Variants in CTNND2 observed in about 807,000 individuals in gnomAD.
The protein encoded by CTNND2 is catenin delta 2.
A neutral mutation model predicts 144.4 loss-of-function variants in CTNND2; 22 were observed. The observed-to-expected ratio is 0.15, with a 90% CI of 0.11 to 0.22. The LOEUF is 0.22. Ranked by LOEUF, CTNND2 falls within the 10% of genes least tolerant of loss-of-function variation. The pLI is 1.00. For synonymous variants in CTNND2, 751 were observed against 695.6 expected, an observed-to-expected ratio of 1.08 and a Z score of -1.25; for missense variants, 1,353 against 1,618.8, an observed-to-expected ratio of 0.84 and a Z score of 2.82.
intron 2 of CTNND2, among the ~76,000 whole-genome samples, chr5:11,621,187 T>C (rs1284971492): frequency 6.6e-6 from 1 of 152,202 alleles, no homozygotes; most frequent in Non-Finnish European, 1.5e-5. Context: ...AAAATAAGTA[T>C]CAGATTTTAG....
At chr5:11,728,337 C>T (rs954932015) in intron 2 of CTNND2, among the ~76,000 whole-genome samples, 2 of 149,830 alleles carry the variant, frequency 1.3e-5, no homozygotes, top group African/African-American at 2.4e-5. Context: ...GGCGTGGTGG[C>T]GCATGCCTGT....
intron 1 of CTNND2, among the ~76,000 whole-genome samples, chr5:11,889,621 G>A (rs1736813008): frequency 2.0e-5 from 3 of 152,140 alleles, no homozygotes; most frequent in South Asian, 4.1e-4. Context: ...TCATGATAGT[G>A]GAGTCCAAAC....
chr5:11,112,138 C>T (rs755857592), intron 13 of CTNND2, among the ~76,000 whole-genome samples: 7 of 152,128 alleles, frequency 4.6e-5, no homozygotes, highest in Non-Finnish European at 8.8e-5. Context: ...CGTGAGCCAC[C>T]GCACCCAGCA....
chr5:11,264,079 A>G (rs1481159050), intron 9 of CTNND2, among the ~76,000 whole-genome samples: 2 of 152,198 alleles, frequency 1.3e-5, no homozygotes, highest in African/African-American at 2.4e-5. Flanking sequence ...CTTTATTCTT[A>G]GTTCTGGCCA....
intron 7 of CTNND2, among the ~76,000 whole-genome samples, chr5:11,370,646 C>A (rs569324859): frequency 3.9e-5 from 6 of 152,156 alleles, no homozygotes; most frequent in Non-Finnish European, 5.9e-5. Flanking sequence ...TAATTTAATG[C>A]AAATTCACCT....
intron 7 of CTNND2, among the ~76,000 whole-genome samples, chr5:11,377,313 C>T (rs1028270720): frequency 2.6e-5 from 4 of 152,062 alleles, no homozygotes; most frequent in African/African-American, 7.2e-5. Flanking sequence ...CCTCAGCTTC[C>T]CAAAGTGCTG....
At chr5:11,471,415 G>A (rs932167934) in intron 3 of CTNND2, among the ~76,000 whole-genome samples, 1 of 151,988 alleles carries the variant, frequency 6.6e-6, no homozygotes, top group East Asian at 1.9e-4. Flanking sequence ...AAGTTTCTTC[G>A]ATTGTTTCTT....
chr5:10,997,021 ATGGT>A (rs1739420906), intron 18 of CTNND2, among the ~76,000 whole-genome samples: 1 of 151,998 alleles, frequency 6.6e-6, no homozygotes, highest in Non-Finnish European at 1.5e-5. Context: ...CCAAGTAATG[ATGGT>A]CGTCCCAGGA....
intron 9 of CTNND2, among the ~76,000 whole-genome samples, chr5:11,339,831 G>A (rs1754064970): frequency 6.6e-6 from 1 of 152,148 alleles, no homozygotes; most frequent in African/African-American, 2.4e-5. Context: ...CCCAGACTCT[G>A]GAAGTGTAAG....
At chr5:11,697,019 A>G (rs182228839) in intron 2 of CTNND2, among the ~76,000 whole-genome samples, 88 of 152,346 alleles carry the variant, frequency 5.8e-4, no homozygotes, top group Admixed American at 3.9e-3. Context: ...GTCCATAAAT[A>G]AAAGGTCAAA....
chr5:11,510,032 A>C (rs1278964540), intron 3 of CTNND2, among the ~76,000 whole-genome samples: 1 of 152,176 alleles, frequency 6.6e-6, no homozygotes, highest in Non-Finnish European at 1.5e-5. Flanking sequence ...CCTGGGCTCA[A>C]GCGATCCACC....
intron 1 of CTNND2, among the ~76,000 whole-genome samples, chr5:11,902,414 T>C (rs576919658): frequency 6.6e-6 from 1 of 152,312 alleles, no homozygotes; most frequent in Non-Finnish European, 1.5e-5. Context: ...CACTTCTCCA[T>C]GGGATTTTAG....
intron 2 of CTNND2, among the ~76,000 whole-genome samples, chr5:11,620,113 G>C (rs992900389): frequency 6.6e-6 from 1 of 151,914 alleles, no homozygotes; most frequent in African/African-American, 2.4e-5. Flanking sequence ...CATTATTTTT[G>C]GTATTCTTTC....
At chr5:11,360,520 G>T (rs1023417289) in intron 8 of CTNND2, among the ~76,000 whole-genome samples, 1 of 152,094 alleles carries the variant, frequency 6.6e-6, no homozygotes, top group South Asian at 2.1e-4. Flanking sequence ...CTGGTAGAGC[G>T]TACAGCTGTA....
intron 18 of CTNND2, among the ~76,000 whole-genome samples, chr5:11,011,043 G>A (rs904973694): frequency 1.3e-5 from 2 of 152,188 alleles, no homozygotes; most frequent in Non-Finnish European, 2.9e-5. Flanking sequence ...ACAACATTGT[G>A]TGTGGGGTGG....
rs182055468 is a variant in CTNND2 at position 11,392,080 on chromosome 5, A to G, written c.612+4951T>C. 3.1e-3 allele frequency among the ~76,000 whole-genome samples: 475 copies of G among 152,312 alleles called. 1 individual carries two copies. The highest frequency in any genetic ancestry group is 5.3e-3 in the Non-Finnish European group (360 of 68,030). ...GGGGGAGAGAAAGAACAAGAGAGAA[A>G]GTGAGAGAGAGAAATTTTGCAAACT... On this transcript the variant is annotated intron_variant, in intron 6 of 21. Transcript: ENST00000304623.
chr5:11,139,784 T>C (rs981175997), intron 12 of CTNND2, among the ~76,000 whole-genome samples: 14 of 152,204 alleles, frequency 9.2e-5, no homozygotes. Context: ...TTTATTCTTA[T>C]ACATCTGGAG....
At chr5:11,287,521 G>C (rs1218839391) in intron 9 of CTNND2, among the ~76,000 whole-genome samples, 1 of 152,166 alleles carries the variant, frequency 6.6e-6, no homozygotes, top group East Asian at 1.9e-4. Flanking sequence ...AGATGCCAAA[G>C]GTGCCAATGT....
chr5:11,129,215 AT>A lies in CTNND2; in HGVS notation c.2160-11649del, dbSNP rs1561353234. On this transcript the variant is annotated intron_variant, in intron 12 of 21. Coordinates refer to ENST00000304623, the MANE Select transcript of CTNND2 (RefSeq NM_001332.4). ...TATAATATATATTATATATTTATAT[AT>A]TATATATAAATATATATTATATATT... Among the ~76,000 whole-genome samples the A allele has an allele frequency of 2.3e-4, 9 of 39,686 alleles. No homozygotes were observed. In the East Asian group the frequency reaches 8.8e-3, roughly 39 times the overall value. The allele number at this position is 39,686 out of a possible 152,430, so 26.0% of individuals were successfully genotyped here. A position where few individuals can be genotyped will look rare whatever the true frequency, so the allele number is the denominator to read the frequency against.
Sources: allele counts gnomAD v4.1 joint callset (sites outside exome capture counted in the v4.1 genomes callset), GRCh38; gene constraint gnomAD v4.1.1; transcripts MANE v1.5; gene names NCBI Gene and HGNC (gene_info 2026-07-23, HGNC 2026-07-21).